TAMM41: variants seen among roughly 807,000 people sequenced by gnomAD.
TAMM41 encodes phosphatidate cytidylyltransferase, mitochondrial.
A neutral mutation model predicts 44.1 loss-of-function variants in TAMM41; 36 were observed. The observed-to-expected ratio is 0.82, with a 90% CI of 0.63 to 1.08. TAMM41 has a LOEUF of 1.08. TAMM41 is among the 50% of genes least tolerant of loss of function. The pLI is 0.00. For missense variants in TAMM41, 417 were observed against 404.3 expected, an observed-to-expected ratio of 1.03 and a Z score of -0.27; for synonymous variants, 164 against 153.1, an observed-to-expected ratio of 1.07 and a Z score of -0.53.
chr3:11,758,712 T>C, the TAMM41 span, among the ~76,000 whole-genome samples: 1 of 151,940 alleles, frequency 6.6e-6, no homozygotes, highest in South Asian at 2.1e-4. Context: ...CTTGCTGTGT[T>C]GCCCAGGCTA....
intron 5 of TAMM41, among the ~76,000 whole-genome samples, chr3:11,812,794 T>C (rs944636906): frequency 6.6e-6 from 1 of 152,148 alleles, no homozygotes; most frequent in African/African-American, 2.4e-5. Flanking sequence ...TGATGGTTAG[T>C]GGACAAGTGC....
chr3:11,759,825 T>A, the TAMM41 span, among the ~76,000 whole-genome samples: 5 of 151,616 alleles, frequency 3.3e-5, no homozygotes, highest in Non-Finnish European at 5.9e-5. Flanking sequence ...AATATGAAAA[T>A]TAGCTGGGCG....
At chr3:11,751,328 G>C in the TAMM41 span, among the ~76,000 whole-genome samples, 1 of 152,140 alleles carries the variant, frequency 6.6e-6, no homozygotes. Context: ...CCGACCTCAA[G>C]TGATCTGCCC....
the TAMM41 span, among the ~76,000 whole-genome samples, chr3:11,722,286 C>T: frequency 6.6e-6 from 1 of 152,180 alleles, no homozygotes; most frequent in African/African-American, 2.4e-5. Context: ...ATTAGCGTGA[C>T]TTAGCTCTGG....
chr3:11,767,730 A>G, the TAMM41 span, among the ~76,000 whole-genome samples: 1 of 145,592 alleles, frequency 6.9e-6, no homozygotes, highest in Non-Finnish European at 1.5e-5. Flanking sequence ...GGTTCAAGCA[A>G]TTCTCCTGCC....
chr3:11,818,110 TG>T (rs1383495598), intron 4 of TAMM41, among the ~76,000 whole-genome samples: 1 of 152,200 alleles, frequency 6.6e-6, no homozygotes, highest in East Asian at 1.9e-4. Flanking sequence ...CACAAGAGGC[TG>T]GACACACGCA....
At chr3:11,825,731 C>G (rs1030962528) in intron 4 of TAMM41, among the ~76,000 whole-genome samples, 2 of 152,092 alleles carry the variant, frequency 1.3e-5, no homozygotes, top group East Asian at 3.9e-4. Flanking sequence ...GGACCTTAAC[C>G]GGCCAGATGA....
chr3:11,759,277 TA>T, the TAMM41 span, among the ~76,000 whole-genome samples: 1 of 151,952 alleles, frequency 6.6e-6, no homozygotes, highest in Non-Finnish European at 1.5e-5. Context: ...TCTAAGAGCT[TA>T]GCGGGTGATC....
rs1190838301 is a variant in TAMM41 at position 11,839,291 on chromosome 3, G to A, written c.342C>T (p.Ser114=). ...NGRLIKYGVI[S]TNVLIEDLLN... ...GGAGATCTTCAATCAGAACGTTAGT[G>A]CTAATAACTCCATATTTGATAAGCT... Residue 114 remains serine, a synonymous_variant, in exon 3 of 8, where the codon AGC becomes AGT. Coordinates refer to ENST00000455809, the MANE Select transcript of TAMM41 (RefSeq NM_001284401.2). 2 of 1,611,990 alleles carry A rather than the reference G, an allele frequency of 1.2e-6. No homozygotes were observed. The highest frequency in any genetic ancestry group is 2.7e-5 in the African/African-American group (2 of 74,982).
intron 3 of TAMM41, among the ~76,000 whole-genome samples, 157 bp downstream of exon 3, chr3:11,839,065 T>C (rs868129200): frequency 6.6e-6 from 1 of 152,200 alleles, no homozygotes; most frequent in African/African-American, 2.4e-5. Context: ...ATAGAATATG[T>C]GGATATTATT....
the TAMM41 span, among the ~76,000 whole-genome samples, chr3:11,730,502 A>G: frequency 1.3e-5 from 2 of 151,976 alleles, no homozygotes; most frequent in African/African-American, 4.8e-5. Flanking sequence ...TGGGAGGCCA[A>G]GGCAGGTGGA....
At chr3:11,729,216 T>C in the TAMM41 span, among the ~76,000 whole-genome samples, 3 of 152,148 alleles carry the variant, frequency 2.0e-5, no homozygotes, top group Non-Finnish European at 4.4e-5. Context: ...AATTTTCCTT[T>C]AAATACTATA....
intron 4 of TAMM41, among the ~76,000 whole-genome samples, chr3:11,827,747 C>T (rs1313231869): frequency 6.6e-6 from 1 of 151,782 alleles, no homozygotes; most frequent in Non-Finnish European, 1.5e-5. Flanking sequence ...CCTCCACCTA[C>T]TCTCTTCTCA....
the TAMM41 span, among the ~76,000 whole-genome samples, chr3:11,732,534 A>G: frequency 6.3e-3 from 964 of 152,350 alleles, 13 homozygotes; most frequent in African/African-American, 0.022. Flanking sequence ...AGTTAACATA[A>G]AAGAGATCAT....
the TAMM41 span, among the ~76,000 whole-genome samples, chr3:11,756,278 C>T: frequency 5.3e-5 from 8 of 152,180 alleles, no homozygotes; most frequent in African/African-American, 1.9e-4. Flanking sequence ...TGTCTTTTCT[C>T]CTTTTCCATG....
At chr3:11,737,375 C>T in the TAMM41 span, among the ~76,000 whole-genome samples, 1 of 151,200 alleles carries the variant, frequency 6.6e-6, no homozygotes, top group Non-Finnish European at 1.5e-5. Flanking sequence ...GGCTGGAGTG[C>T]AATGGCACGA....
intron 7 of TAMM41, among the ~76,000 whole-genome samples, chr3:11,791,711 C>T (rs1176443519): frequency 6.6e-6 from 1 of 152,126 alleles, no homozygotes; most frequent in East Asian, 1.9e-4. Flanking sequence ...ACTGCTTAGT[C>T]CACTTAGAGC....
At chr3:11,786,104 G>A (rs190646494), downstream of TAMM41, among the ~76,000 whole-genome samples, 81 of 152,182 alleles carry the variant, frequency 5.3e-4, 1 homozygote, top group Non-Finnish European at 1.1e-3. Context: ...TGGTGCCCAG[G>A]CTGGTGTGGG....
chr3:11,808,492 C>T, intron 6 of TAMM41: 3 of 985,912 alleles, frequency 3.0e-6, no homozygotes, highest in Non-Finnish European at 3.6e-6. Flanking sequence ...GCGTGGAGCG[C>T]CTGCTGCAGC....
Sources: allele counts gnomAD v4.1 joint callset (sites outside exome capture counted in the v4.1 genomes callset), GRCh38; gene constraint gnomAD v4.1.1; transcripts MANE v1.5; gene names NCBI Gene and HGNC (gene_info 2026-07-23, HGNC 2026-07-21).